DGKI: variants seen among roughly 807,000 people sequenced by gnomAD.
DGKI encodes the protein diacylglycerol kinase iota.
In DGKI, 55 loss-of-function variants were observed where a neutral mutation model predicts 147.5. The ratio of observed to expected loss-of-function variants is 0.37; its 90% CI spans 0.30 to 0.47. The LOEUF (loss-of-function observed/expected upper bound fraction) is 0.47, where lower values mean the gene tolerates loss of function less well. Ranked by LOEUF, DGKI falls within the 20% of genes least tolerant of loss-of-function variation. DGKI has a pLI of 1.00. For synonymous variants in DGKI, 469 were observed against 477.1 expected, an observed-to-expected ratio of 0.98 and a Z score of 0.22; for missense variants, 1,007 against 1,323.8, an observed-to-expected ratio of 0.76 and a Z score of 3.71.
At chr7:137,422,584 CTTTTTCTTTTCTT>C (rs1812614594) in intron 28 of DGKI, among the ~76,000 whole-genome samples, 1 of 80,758 alleles carries the variant, frequency 1.2e-5, no homozygotes, top group African/African-American at 4.3e-5. Context: ...AAAGCATTTT[CTTTTTCTTTTCTT>C]TTTTTTTTTT....
chr7:137,411,466 A>T (rs759825831), intron 29 of DGKI, among the ~76,000 whole-genome samples: 9 of 152,208 alleles, frequency 5.9e-5, no homozygotes, highest in Non-Finnish European at 1.0e-4. Flanking sequence ...TATATGTATT[A>T]TTACATTAAT....
intron 10 of DGKI, among the ~76,000 whole-genome samples, chr7:137,602,948 A>G (rs1820045337): frequency 6.6e-6 from 1 of 152,150 alleles, no homozygotes; most frequent in Non-Finnish European, 1.5e-5. Flanking sequence ...TACTGTAGAT[A>G]TACCTCACTG....
intron 21 of DGKI, among the ~76,000 whole-genome samples, chr7:137,495,360 A>C (rs948225212): frequency 1.3e-5 from 2 of 151,296 alleles, no homozygotes; most frequent in African/African-American, 4.9e-5. Context: ...ATTCTAGCAG[A>C]TGTATAAGGA....
At chr7:137,593,725 CAT>C (rs1750829323) in intron 12 of DGKI, among the ~76,000 whole-genome samples, 3 of 151,886 alleles carry the variant, frequency 2.0e-5, no homozygotes, top group African/African-American at 7.3e-5. Context: ...TAAATTAACA[CAT>C]ATTGAAATGA....
Position 137,609,462 on chromosome 7 carries a change from C to A in DGKI, c.1068+73G>T, listed in dbSNP as rs546064817. The A allele has an allele frequency of 3.4e-6, 4 of 1,167,198 alleles. No individual in the cohort carries two copies. In the African/African-American group the frequency reaches 6.1e-5, roughly 18 times the overall value. 72.3% of individuals were successfully genotyped at this position (1,167,198 alleles called of 1,614,324 possible). On this transcript the variant is annotated intron_variant, in intron 9 of 32. Coordinates refer to ENST00000614521, the MANE Select transcript of DGKI (RefSeq NM_001321708.2). ...ATAGATCAGAAAAATCAACTTGGAC[C>A]AGATCTCATAGGACAGAGTAGACTA...
At chr7:137,706,833 T>C (rs1193529172) in intron 1 of DGKI, among the ~76,000 whole-genome samples, 3 of 151,924 alleles carry the variant, frequency 2.0e-5, no homozygotes, top group African/African-American at 7.3e-5. Flanking sequence ...CGGCCTCCCA[T>C]AGTGCTGGGA....
At chr7:137,428,492 A>G (rs946169170) in intron 28 of DGKI, among the ~76,000 whole-genome samples, 6 of 152,190 alleles carry the variant, frequency 3.9e-5, no homozygotes, top group African/African-American at 1.4e-4. Context: ...AAACTGGCAC[A>G]AGACAGGGAT....
chr7:137,435,743 C>G (rs7797474), intron 28 of DGKI, among the ~76,000 whole-genome samples: 1,702 of 152,228 alleles, frequency 0.011, 32 homozygotes, highest in African/African-American at 0.039. Flanking sequence ...CCTAGCAATG[C>G]AATTAAAGAT....
chr7:137,707,424 T>C (rs755362373), intron 1 of DGKI, among the ~76,000 whole-genome samples: 14 of 152,226 alleles, frequency 9.2e-5, no homozygotes, highest in Non-Finnish European at 2.1e-4. Flanking sequence ...TGACCATTGA[T>C]ATGTCTGGAT....
At chr7:137,577,172 G>T in intron 17 of DGKI, 50 bp downstream of exon 17, 1 of 1,333,150 alleles carries the variant, frequency 7.5e-7, no homozygotes, top group Non-Finnish European at 1.1e-6. Context: ...AGTTTTTTGT[G>T]GCAGTCATAT....
intron 1 of DGKI, among the ~76,000 whole-genome samples, chr7:137,748,693 T>C (rs1276682993): frequency 2.0e-5 from 3 of 152,216 alleles, no homozygotes; most frequent in East Asian, 3.8e-4. Context: ...TTCAAAGATA[T>C]ATACCCTTCA....
intron 3 of DGKI, among the ~76,000 whole-genome samples, chr7:137,672,612 T>C (rs1444477304): frequency 6.6e-6 from 1 of 152,114 alleles, no homozygotes; most frequent in Non-Finnish European, 1.5e-5. Flanking sequence ...GAACACCCTT[T>C]TGAAGGCTTG....
At chr7:137,672,811 G>C (rs1338472892) in intron 3 of DGKI, among the ~76,000 whole-genome samples, 2 of 102,044 alleles carry the variant, frequency 2.0e-5, no homozygotes, top group African/African-American at 8.5e-5. Flanking sequence ...AGGGAGTTTC[G>C]CTCTTTTTGC....
chr7:137,535,077 T>C (rs1489060254), intron 20 of DGKI, among the ~76,000 whole-genome samples: 1 of 152,138 alleles, frequency 6.6e-6, no homozygotes, highest in Non-Finnish European at 1.5e-5. Context: ...TCCAGAACTG[T>C]AACGAAATAA....
intron 27 of DGKI, among the ~76,000 whole-genome samples, chr7:137,457,940 A>C (rs1814271198): frequency 6.6e-6 from 1 of 152,124 alleles, no homozygotes; most frequent in Admixed American, 6.5e-5. Flanking sequence ...AAAAAGCAGC[A>C]AATTATATTT....
chr7:137,467,338 CCTCTTTAAAAAT>C (rs1238953575), intron 24 of DGKI, among the ~76,000 whole-genome samples: 6 of 152,146 alleles, frequency 3.9e-5, no homozygotes, highest in Non-Finnish European at 7.3e-5. Context: ...AAGAGACCTG[CCTCTTTAAAAAT>C]CTGTTTCATT....
chr7:137,812,680 A>G (rs141768069), intron 1 of DGKI, among the ~76,000 whole-genome samples: 66 of 152,288 alleles, frequency 4.3e-4, no homozygotes, highest in African/African-American at 1.5e-3. Context: ...GACTATACTA[A>G]TATCTCTATT....
intron 1 of DGKI, among the ~76,000 whole-genome samples, chr7:137,746,959 A>G (rs1795356163): frequency 6.6e-6 from 1 of 152,186 alleles, no homozygotes; most frequent in Admixed American, 6.5e-5. Flanking sequence ...GGGAAACCTA[A>G]AAGATCTCTT....
At chr7:137,487,812 G>C (rs1017614189) in intron 21 of DGKI, 123 bp from the exon 22 acceptor site, 2 of 840,320 alleles carry the variant, frequency 2.4e-6, no homozygotes, top group African/African-American at 3.4e-5. Context: ...AGATATGTCC[G>C]TAAAAAGAAA....
Sources: allele counts gnomAD v4.1 joint callset (sites outside exome capture counted in the v4.1 genomes callset), GRCh38; gene constraint gnomAD v4.1.1; transcripts MANE v1.5; gene names NCBI Gene and HGNC (gene_info 2026-07-23, HGNC 2026-07-21).